TTC29: variants seen among roughly 807,000 people sequenced by gnomAD.
The protein encoded by TTC29 is tetratricopeptide repeat domain 29.
TTC29 carries 49 observed loss-of-function variants against 58.1 expected under a neutral mutation model. The observed-to-expected ratio is 0.84, with a 90% CI of 0.67 to 1.07. TTC29 has a LOEUF of 1.07. TTC29 is among the 50% of genes least tolerant of loss of function. TTC29 has a pLI of 0.00. For missense variants in TTC29, 582 were observed against 555.6 expected, an observed-to-expected ratio of 1.05 and a Z score of -0.48; for synonymous variants, 209 against 196.8, an observed-to-expected ratio of 1.06 and a Z score of -0.52.
At chr4:146,741,124 A>C (rs1745111536) in intron 11 of TTC29, among the ~76,000 whole-genome samples, 1 of 152,238 alleles carries the variant, frequency 6.6e-6, no homozygotes, top group South Asian at 2.1e-4. Flanking sequence ...CCTTAGAAAT[A>C]GAAGAATCTT....
chr4:146,712,215 G>T (rs1444672977), intron 11 of TTC29, among the ~76,000 whole-genome samples: 1 of 151,994 alleles, frequency 6.6e-6, no homozygotes, highest in African/African-American at 2.4e-5. Flanking sequence ...TTATGAATTA[G>T]CCACAAATAA....
intron 9 of TTC29, among the ~76,000 whole-genome samples, chr4:146,828,337 G>A (rs1727942172): frequency 6.6e-6 from 1 of 152,024 alleles, no homozygotes. Context: ...AGAATTTTGA[G>A]TGAACTTATG....
chr4:146,807,760 C>CA (rs1470428965), intron 10 of TTC29, among the ~76,000 whole-genome samples: 1 of 151,884 alleles, frequency 6.6e-6, no homozygotes, highest in Non-Finnish European at 1.5e-5. Flanking sequence ...GCCCACCAAC[C>CA]AAAAAAAGCC....
chr4:146,836,201 TAGCTGCCAGTGAAC>T (rs1349275275), intron 8 of TTC29, among the ~76,000 whole-genome samples: 1 of 152,164 alleles, frequency 6.6e-6, no homozygotes, highest in Non-Finnish European at 1.5e-5. Flanking sequence ...ACCTGTTATT[TAGCTGCCAGTGAAC>T]AGCTCCTGGT....
intron 6 of TTC29, among the ~76,000 whole-genome samples, chr4:146,895,968 T>C (rs1732740792): frequency 6.6e-6 from 1 of 152,170 alleles, no homozygotes; most frequent in Non-Finnish European, 1.5e-5. Context: ...GTAATCAACA[T>C]TACTGTACAA....
intron 5 of TTC29, among the ~76,000 whole-genome samples, chr4:146,907,790 G>A (rs988000386): frequency 2.6e-5 from 4 of 152,114 alleles, no homozygotes; most frequent in Admixed American, 2.0e-4. Flanking sequence ...ATGAGCCACC[G>A]CGCCCAGCCA....
At position 146,939,806 on chromosome 4, in the gene TTC29, T is replaced by G. The variant is rs771978293; in HGVS notation, c.90A>C (p.Pro30=). 8 of 1,611,282 alleles carry G rather than the reference T, an allele frequency of 5.0e-6. No homozygotes were observed. In the South Asian group the frequency reaches 8.9e-5, roughly 18 times the overall value. The change falls in exon 3 of 13, where the codon CCA becomes CCC. Residue 30 remains proline, a splice_region_variant and synonymous_variant. Coordinates refer to ENST00000325106, the MANE Select transcript of TTC29 (RefSeq NM_031956.4). The stretch of plus-strand genomic sequence containing the variant: ...AAGTAAAAACCAGGGGCACGTACCT[T>G]GGAATTTTTCTGGAGGAGCAAGGCA... ...QKLPCSSRKI[P]RSQLIKEKDD...
chr4:146,820,075 C>T lies in TTC29; in HGVS notation c.1101+50G>A, dbSNP rs758191570. The T allele has an allele frequency of 4.4e-6, 7 of 1,600,634 alleles. No individual in the cohort carries two copies. The East Asian group carries it at 1.3e-4, about 31-fold the overall frequency. ...AAGATACTTTTAAAATGGGAAATTT[C>T]TCCCTAAACACCGCAAATTTCTCTA... On this transcript the variant is annotated intron_variant, in intron 10 of 12. Coordinates refer to ENST00000325106, the MANE Select transcript of TTC29 (RefSeq NM_031956.4).
intron 11 of TTC29, among the ~76,000 whole-genome samples, chr4:146,765,405 C>G (rs986922334): frequency 6.6e-6 from 1 of 151,990 alleles, no homozygotes; most frequent in Non-Finnish European, 1.5e-5. Flanking sequence ...TTTGACTAAC[C>G]GGGTTTTAAT....
At chr4:146,839,468 T>C (rs910205568) in intron 8 of TTC29, among the ~76,000 whole-genome samples, 3 of 151,874 alleles carry the variant, frequency 2.0e-5, no homozygotes, top group Non-Finnish European at 4.4e-5. Context: ...TGTATAGCTA[T>C]TATATAGCAA....
intron 4 of TTC29, among the ~76,000 whole-genome samples, chr4:146,926,769 G>A (rs1332019866): frequency 6.6e-6 from 1 of 152,072 alleles, no homozygotes; most frequent in African/African-American, 2.4e-5. Context: ...AGCCTACAAA[G>A]TTTTAACTTT....
chr4:146,751,136 T>C (rs955473488), intron 11 of TTC29, among the ~76,000 whole-genome samples: 1 of 152,234 alleles, frequency 6.6e-6, no homozygotes, highest in Non-Finnish European at 1.5e-5. Flanking sequence ...TATTTATTGA[T>C]AAAGGTGTCA....
chr4:146,806,655 T>C (rs1445543340), intron 10 of TTC29, among the ~76,000 whole-genome samples: 2 of 148,248 alleles, frequency 1.3e-5, no homozygotes, highest in Admixed American at 6.7e-5. Context: ...CACTACATAA[T>C]GGTAAAGGGA....
chr4:146,733,467 C>A (rs955217006), intron 11 of TTC29, among the ~76,000 whole-genome samples: 3 of 152,016 alleles, frequency 2.0e-5, no homozygotes, highest in Admixed American at 6.6e-5. Context: ...TAATATCGAA[C>A]TTGTTTCCCT....
At chr4:146,808,739 CACAA>C (rs754881881) in intron 10 of TTC29, among the ~76,000 whole-genome samples, 105 of 152,226 alleles carry the variant, frequency 6.9e-4, no homozygotes, top group Non-Finnish European at 1.2e-3. Context: ...TAAGAGAGAA[CACAA>C]ACAAATGGAA....
chr4:146,747,833 C>G (rs1357535456), intron 11 of TTC29, among the ~76,000 whole-genome samples: 1 of 152,170 alleles, frequency 6.6e-6, no homozygotes, highest in African/African-American at 2.4e-5. Flanking sequence ...TTAGTGGTGC[C>G]ACTCCAGTCA....
chr4:146,788,776 A>G (rs1415106474), intron 11 of TTC29, among the ~76,000 whole-genome samples: 1 of 152,138 alleles, frequency 6.6e-6, no homozygotes, highest in Admixed American at 6.5e-5. Flanking sequence ...AATATGTGGC[A>G]TTTAGTCACA....
At chr4:146,890,558 G>A (rs1732284511) in intron 6 of TTC29, among the ~76,000 whole-genome samples, 1 of 152,202 alleles carries the variant, frequency 6.6e-6, no homozygotes, top group Non-Finnish European at 1.5e-5. Flanking sequence ...GTGAACCTGA[G>A]GTCAAAGCAG....
intron 4 of TTC29, among the ~76,000 whole-genome samples, chr4:146,920,032 A>G (rs1180943691): frequency 6.6e-6 from 1 of 151,022 alleles, no homozygotes; most frequent in African/African-American, 2.4e-5. Flanking sequence ...GCACCTTCCC[A>G]TTAAAAATGT....
Sources: gnomAD v4.1 joint callset for allele counts (sites outside exome capture counted in the v4.1 genomes callset) on GRCh38, gnomAD v4.1.1 for gene constraint, MANE v1.5 for transcripts, NCBI Gene and HGNC (gene_info 2026-07-23, HGNC 2026-07-21) for gene names.